GLB1L: variants seen among roughly 807,000 people sequenced by gnomAD.
GLB1L encodes the protein galactosidase beta 1 like.
GLB1L carries 58 observed loss-of-function variants against 75.7 expected under a neutral mutation model. The observed-to-expected ratio is 0.77, with a 90% CI of 0.62 to 0.95. The LOEUF is 0.95. Ranked by LOEUF, GLB1L falls within the 40% of genes least tolerant of loss-of-function variation. The probability of loss-of-function intolerance (pLI) is 0.00; values close to 1 mark genes in which losing one functional copy is unlikely to be tolerated. For missense variants in GLB1L, 797 were observed against 805.5 expected (o/e 0.99, Z 0.13); for synonymous variants, 296 against 303.0 (o/e 0.98, Z 0.24).
chr2:219,237,644 C>G lies in GLB1L; in HGVS notation c.1557G>C (p.Lys519Asn), dbSNP rs768783673. The change falls in exon 16 of 17, where the codon AAG becomes AAC. Residue 519 changes from lysine to asparagine, a missense_variant. Coordinates refer to ENST00000295759, the MANE Select transcript of GLB1L (RefSeq NM_001286423.2). The stretch of plus-strand genomic sequence containing the variant: ...TTGGCAACTGGAGGGGAAACCACCA[C>G]TTCACAAGGTTATCAATTTTCAGAG... The part of the protein sequence containing the change: ...MFPLKIDNLV[K>N]WWFPLQLPKW... 6.2e-7 allele frequency: 1 copy of G among 1,614,192 alleles called. No homozygotes were observed. The highest frequency in any genetic ancestry group is 1.1e-5 in the South Asian group (1 of 91,084).
Position 219,238,786 on chromosome 2 carries a change from C to G in GLB1L, c.1063-7G>C, listed in dbSNP as rs1449638385. On this transcript the variant is annotated splice_polypyrimidine_tract_variant and splice_region_variant and intron_variant, in intron 11 of 16. Coordinates refer to ENST00000295759, the MANE Select transcript of GLB1L (RefSeq NM_001286423.2). The stretch of plus-strand genomic sequence containing the variant: ...CCAAAGGAACTTCCTGGAACTGAGC[C>G]CAGATTCTCTCAGGATCCATAGGAA... The G allele has an allele frequency of 6.2e-7, 1 of 1,610,470 alleles. No individual in the cohort carries two copies.
Position 219,240,482 on chromosome 2 carries a change from G to A in GLB1L, c.452-197C>T, listed in dbSNP as rs773620241. ...AAATGGGCCGGGCGTGGCGGCTCACGCCTGTAATCCCAGCACTTTGGGAGG... is the reference window on the plus strand; with the variant it reads ...AAATGGGCCGGGCGTGGCGGCTCACACCTGTAATCCCAGCACTTTGGGAGG... On this transcript the variant is annotated intron_variant, in intron 5 of 16. Transcript: ENST00000295759. Among the ~76,000 whole-genome samples the A allele has an allele frequency of 8.5e-5, 13 of 152,208 alleles. No individual in the cohort carries two copies. The East Asian group carries it at 1.5e-3, about 18-fold the overall frequency.
rs1951301506 is a variant in GLB1L at position 219,238,297 on chromosome 2, C to T, written c.1294G>A (p.Val432Met). 6.2e-7 allele frequency: 1 copy of T among 1,612,958 alleles called. No homozygotes were observed. Among genetic ancestry groups the T allele is most frequent in the Non-Finnish European group, 8.5e-7 (1 of 1,179,332 alleles). Reference sequence around the variant, plus strand: ...CGGTCATGGACTCCATTATTTGGCACCCAGAATGGTGTTGGCTCAAAAATG... The same window carrying T: ...CGGTCATGGACTCCATTATTTGGCATCCAGAATGGTGTTGGCTCAAAAATG... ...HTIFEPTPFW[V>M]PNNGVHDRAY... Residue 432 changes from valine to methionine, a missense_variant, in exon 14 of 17, where the codon GTG becomes ATG. By Grantham distance (21) the Val-to-Met change is conservative. Transcript: ENST00000295759.
Position 219,243,256 on chromosome 2 carries a change from G to C in GLB1L, c.131C>G (p.Ala44Gly), listed in dbSNP as rs769981657. 27 of 1,613,824 alleles carry C rather than the reference G, an allele frequency of 1.7e-5. No individual in the cohort carries two copies. The South Asian group carries it at 3.0e-4, about 18-fold the overall frequency. Reference sequence around the variant, plus strand: ...GCTGCCAGACACATAGCGGAACGGGGCCCCGTCTAGGAGAAACCGGTCATG... The same window carrying C: ...GCTGCCAGACACATAGCGGAACGGGCCCCCGTCTAGGAGAAACCGGTCATG... ...RGHDRFLLDG[A>G]PFRYVSGSLH... Residue 44 changes from alanine (A) to glycine (G), a missense_variant, in exon 3 of 17, where the codon GCC becomes GGC. By Grantham distance (60) the Ala-to-Gly change is moderately conservative (BLOSUM62 0). Coordinates refer to ENST00000295759, the MANE Select transcript of GLB1L (RefSeq NM_001286423.2).
chr2:219,239,393 G>C lies in GLB1L; in HGVS notation c.943+18C>G. 6.3e-7 allele frequency: 1 copy of C among 1,580,456 alleles called. No individual in the cohort carries two copies. Among genetic ancestry groups the C allele is most frequent in the Non-Finnish European group, 8.6e-7 (1 of 1,162,482 alleles). ...TTGTTACCTCCCTGCTTCTATCCCA[G>C]GGACCATCTGGACTCACCATTCCAA... On this transcript the variant is annotated intron_variant, in intron 10 of 16. Coordinates refer to ENST00000295759, the MANE Select transcript of GLB1L (RefSeq NM_001286423.2).
At chr2:219,242,037 G>A (rs553261750) in intron 5 of GLB1L, among the ~76,000 whole-genome samples, 6 of 152,290 alleles carry the variant, frequency 3.9e-5, no homozygotes, top group African/African-American at 1.2e-4. Flanking sequence ...ACCCAGGCTG[G>A]AGTGTAGTTG....
At chr2:219,237,414 CT>C in intron 16 of GLB1L, 67 bp from the exon 17 acceptor site, 1 of 1,598,734 alleles carries the variant, frequency 6.3e-7, no homozygotes, top group Non-Finnish European at 8.5e-7. Context: ...GAATCATACC[CT>C]TTTGGGTTTC....
Position 219,237,330 on chromosome 2 carries a change from A to T in GLB1L, c.1707T>A (p.Asn569Lys). Reference protein sequence around the residue: ...PGWTKGQVWINGFNLGRYWTK... With the variant: ...PGWTKGQVWIKGFNLGRYWTK... ...TCCAGTACCGGCCCAAGTTAAACCC[A>T]TTGATCCAGACTTGGCCCTGGGGAA... The change falls in exon 17 of 17, where the codon AAT becomes AAA. Residue 569 changes from asparagine to lysine, a missense_variant. Coordinates refer to ENST00000295759, the MANE Select transcript of GLB1L (RefSeq NM_001286423.2). 6.2e-7 allele frequency: 1 copy of T among 1,613,770 alleles called. No individual in the cohort carries two copies. Among genetic ancestry groups the T allele is most frequent in the South Asian group, 1.1e-5 (1 of 91,072 alleles).
chr2:219,239,684 T>TA lies in GLB1L; in HGVS notation c.781-3dup. On this transcript the variant is annotated splice_region_variant and splice_polypyrimidine_tract_variant and intron_variant, in intron 8 of 16. Transcript: ENST00000295759. ...GCCTGTGTAGTACTCAGAGTTTACC[T>TA]AGAGTGTGAAATGAAAGGAGTGTGA... is the stretch of plus-strand genomic sequence containing the variant. 2 of 1,614,124 alleles carry TA rather than the reference T, an allele frequency of 1.2e-6. No individual in the cohort carries two copies. Among genetic ancestry groups the TA allele is most frequent in the Middle Eastern group, 1.6e-4 (1 of 6,062 alleles).
rs754331394 is a variant in GLB1L, at chr2:219,243,546, G to T, written c.28C>A (p.Arg10Ser). The change falls in exon 2 of 17, where the codon CGT (arginine) becomes AGT (serine). Residue 10 changes from arginine (R) to serine (S), a missense_variant. Coordinates refer to ENST00000295759, the MANE Select transcript of GLB1L (RefSeq NM_001286423.2). MAPKKLSCL[R>S]SLLLPLSLTL... is the part of the protein sequence containing the mutation. ...AGGCTGAGCGGCAGCAGCAGGGAACGAAGGCAGGACAGCTTCTTGGGAGCC... is the reference window on the plus strand; with the variant it reads ...AGGCTGAGCGGCAGCAGCAGGGAACTAAGGCAGGACAGCTTCTTGGGAGCC... 6.2e-7 allele frequency: 1 copy of T among 1,614,094 alleles called. No homozygotes were observed. Among genetic ancestry groups the T allele is most frequent in the Non-Finnish European group, 8.5e-7 (1 of 1,180,022 alleles).
At chr2:219,242,960 G>A (rs1422636498) in intron 3 of GLB1L, 42 bp from the exon 4 acceptor site, 6 of 1,610,762 alleles carry the variant, frequency 3.7e-6, no homozygotes, top group East Asian at 2.2e-5. Context: ...GTGAAGAGAC[G>A]CCAGGGAGGC....
Position 219,237,876 on chromosome 2 carries a change from C to T in GLB1L, c.1423G>A (p.Val475Met), listed in dbSNP as rs1270236007. 13 of 1,614,092 alleles carry T rather than the reference C, an allele frequency of 8.1e-6. No individual in the cohort carries two copies. Among genetic ancestry groups the T allele is most frequent in the African/African-American group, 1.3e-5 (1 of 74,924 alleles). The change falls in exon 15 of 17, where the codon GTG becomes ATG. Residue 475 changes from valine (V) to methionine (M), a missense_variant. Coordinates refer to ENST00000295759, the MANE Select transcript of GLB1L (RefSeq NM_001286423.2). ...AAGCTGAGCCTCCCCATGTTCTCCA[C>T]CAAGATATCCAGTTTGGACCCCAGT... ...GKLGSKLDIL[V>M]ENMGRLSFGS... is the part of the protein sequence containing the mutation.
At position 219,236,762 on chromosome 2, in the gene GLB1L, T is replaced by A. The variant is rs1171495505; in HGVS notation, c.*310A>T. ...CCATGTCCCAGGTCCAAGGGTTACT[T>A]TTTTTTTTTTTTTTTTTTTTGAGAT... On this transcript the variant is annotated 3_prime_UTR_variant, in exon 17 of 17. Transcript: ENST00000295759. The A allele has an allele frequency of 5.2e-5, 11 of 210,524 alleles. No individual in the cohort carries two copies. The East Asian group carries it at 8.6e-4, about 16-fold the overall frequency. The allele number at this position is 210,524 out of a possible 1,614,324, so 13.0% of individuals were successfully genotyped here.
chr2:219,242,289 G>GT (rs34455694), intron 5 of GLB1L, among the ~76,000 whole-genome samples: 17,784 of 146,398 alleles, frequency 0.12, 1,182 homozygotes, highest in South Asian at 0.2. Context: ...GCGCCCAGCT[G>GT]TTTTTTTTTT....
At chr2:219,241,692 A>G (rs1055020117) in intron 5 of GLB1L, among the ~76,000 whole-genome samples, 1 of 151,818 alleles carries the variant, frequency 6.6e-6, no homozygotes, top group Non-Finnish European at 1.5e-5. Context: ...CCAATTGTGT[A>G]GGACCTACCA....
chr2:219,238,075 C>T, intron 14 of GLB1L, 118 bp from the exon 15 acceptor site: 1 of 1,141,284 alleles, frequency 8.8e-7, no homozygotes, highest in Non-Finnish European at 1.3e-6. Context: ...CATCTATCAC[C>T]CATCTATTCT....
intron 3 of GLB1L, 23 bp downstream of exon 3, chr2:219,243,125 C>A (rs748893935): frequency 1.3e-6 from 2 of 1,582,506 alleles, no homozygotes; most frequent in East Asian, 4.5e-5. Flanking sequence ...CATCCCTCCG[C>A]GGCTCTTGCG....
intron 5 of GLB1L, among the ~76,000 whole-genome samples, chr2:219,241,434 G>GTATATA (rs1392771177): frequency 0.043 from 3,519 of 82,224 alleles, 92 homozygotes; most frequent in East Asian, 0.055. Flanking sequence ...GTGTGTGTGT[G>GTATATA]TGTGTGTGTA....
chr2:219,239,042 T>C lies in GLB1L; in HGVS notation c.1062+50A>G, dbSNP rs759631703. 4.6e-6 allele frequency: 6 copies of C among 1,299,096 alleles called. No homozygotes were observed. In the Admixed American group the frequency reaches 1.1e-4, roughly 24 times the overall value. The allele number at this position is 1,299,096 out of a possible 1,614,324, so 80.5% of individuals were successfully genotyped here. On this transcript the variant is annotated intron_variant, in intron 11 of 16. Coordinates refer to ENST00000295759, the MANE Select transcript of GLB1L (RefSeq NM_001286423.2). ...ATACCTTTACAATGTGGGCACTCCC[T>C]TCCTCCAAATTAATAAAAGCCTTTG... is the stretch of plus-strand genomic sequence containing the variant.
Sources: allele counts gnomAD v4.1 joint callset (sites outside exome capture counted in the v4.1 genomes callset), GRCh38; gene constraint gnomAD v4.1.1; transcripts MANE v1.5; gene names NCBI Gene and HGNC (gene_info 2026-07-23, HGNC 2026-07-21).